Variants in BCAS3 observed in about 807,000 individuals in gnomAD.
BCAS3 encodes BCAS4/BCAS3 fusion.
In BCAS3, 53 loss-of-function variants were observed where a neutral mutation model predicts 116.1. The ratio of observed to expected loss-of-function variants is 0.46; its 90% CI spans 0.37 to 0.57. The LOEUF (loss-of-function observed/expected upper bound fraction) is 0.57, where lower values mean the gene tolerates loss of function less well. Among genes scored for constraint, BCAS3 ranks in the 20% least tolerant of loss-of-function variants. BCAS3 has a pLI of 0.00. For synonymous variants in BCAS3, 391 were observed against 408.2 expected, an observed-to-expected ratio of 0.96 and a Z score of 0.51; for missense variants, 917 against 1,165.4, an observed-to-expected ratio of 0.79 and a Z score of 3.10.
chr17:61,386,241 C>G (rs1284974878), intron 23 of BCAS3, among the ~76,000 whole-genome samples: 1 of 152,200 alleles, frequency 6.6e-6, no homozygotes, highest in African/African-American at 2.4e-5. Flanking sequence ...GGGGTGTGCT[C>G]TTAACCACTT....
At chr17:61,053,498 G>A (rs2069079031) in intron 19 of BCAS3, among the ~76,000 whole-genome samples, 1 of 152,162 alleles carries the variant, frequency 6.6e-6, no homozygotes, top group African/African-American at 2.4e-5. Context: ...TTTCTACCGT[G>A]GATATTGTCA....
chr17:60,800,138 T>C (rs184998271), intron 6 of BCAS3, among the ~76,000 whole-genome samples: 111 of 152,366 alleles, frequency 7.3e-4, no homozygotes, highest in African/African-American at 2.5e-3. Flanking sequence ...AATTTTTGTT[T>C]GGACAAAAGT....
chr17:60,841,915 T>C (rs1754814619), intron 7 of BCAS3, among the ~76,000 whole-genome samples: 1 of 152,116 alleles, frequency 6.6e-6, no homozygotes, highest in South Asian at 2.1e-4. Context: ...TGATGGTGTT[T>C]GGGGAGACTG....
intron 5 of BCAS3, chr17:60,709,669 G>A (rs931093852): frequency 6.8e-5 from 18 of 263,560 alleles, no homozygotes; most frequent in Non-Finnish European, 6.6e-5. Context: ...GATTACAGGC[G>A]TGAGCCACTG....
intron 6 of BCAS3, among the ~76,000 whole-genome samples, chr17:60,772,859 T>G (rs867140477): frequency 9.2e-5 from 14 of 151,836 alleles, no homozygotes; most frequent in Middle Eastern, 3.4e-3. Context: ...GGCAACAGAG[T>G]GAGACTCAGT....
rs889961842 is a variant in BCAS3 at position 60,702,800 on chromosome 17, A to C, written c.215-6419A>C. On this transcript the variant is annotated intron_variant, in intron 4 of 23. Coordinates refer to ENST00000407086, the MANE Select transcript of BCAS3 (RefSeq NM_017679.5). Reference sequence around the variant, plus strand: ...GAGATGGGGTTTTGCCATGTTGCCCAGGCTGGTCTCAAACTCCTGAGCTCA... The same window carrying C: ...GAGATGGGGTTTTGCCATGTTGCCCCGGCTGGTCTCAAACTCCTGAGCTCA... Among the ~76,000 whole-genome samples the C allele has an allele frequency of 2.2e-3, 339 of 151,956 alleles. 2 individuals carry two copies. Among genetic ancestry groups the C allele is most frequent in the Non-Finnish European group, 3.3e-3 (227 of 67,952 alleles).
chr17:61,283,456 ATT>A (rs771915805), intron 22 of BCAS3, among the ~76,000 whole-genome samples: 10,316 of 142,258 alleles, frequency 0.073, 511 homozygotes, highest in African/African-American at 0.16. Flanking sequence ...AAGTAAATTG[ATT>A]TTTTTTTTTT....
chr17:61,101,044 A>G (rs1470907473), intron 22 of BCAS3, among the ~76,000 whole-genome samples: 1 of 152,174 alleles, frequency 6.6e-6, no homozygotes, highest in African/African-American at 2.4e-5. Context: ...TCATCAGGGC[A>G]TGTATGTGAC....
chr17:61,140,151 C>T lies in BCAS3; in HGVS notation c.2425+55587C>T, dbSNP rs907638109. Among the ~76,000 whole-genome samples the T allele has an allele frequency of 1.8e-4, 27 of 152,228 alleles. No homozygotes were observed. The highest frequency in any genetic ancestry group is 6.5e-4 in the African/African-American group (27 of 41,548). ...ACTCAGGAGGCTGAGGCAGGAGAAT[C>T]ACTGGAACCCAGAAGGCGGAGGTTG... On this transcript the variant is annotated intron_variant, in intron 22 of 23. Coordinates refer to ENST00000407086, the MANE Select transcript of BCAS3 (RefSeq NM_017679.5). This position sits in a 1 kb window ranked among gnomAD's most constrained non-coding sequence, Gnocchi z 4.2.
Position 61,376,421 on chromosome 17 carries a change from C to G in BCAS3, c.2593+7927C>G, listed in dbSNP as rs1354484683. The stretch of plus-strand genomic sequence containing the variant: ...TGCTTTGATCTTTCCAGAGAATCTT[C>G]TCTCCTCTTCCTACAGCCACTCTAT... On this transcript the variant is annotated intron_variant, in intron 23 of 23. Coordinates refer to ENST00000407086, the MANE Select transcript of BCAS3 (RefSeq NM_017679.5). This position sits in a 1 kb window ranked among gnomAD's most constrained non-coding sequence, Gnocchi z 4.5. Among the ~76,000 whole-genome samples, 1 of 152,198 alleles carries G rather than the reference C, an allele frequency of 6.6e-6. No individual in the cohort carries two copies. Among genetic ancestry groups the G allele is most frequent in the Non-Finnish European group, 1.5e-5 (1 of 68,028 alleles).
chr17:61,292,121 G>A (rs577338830), intron 22 of BCAS3, among the ~76,000 whole-genome samples: 28 of 152,166 alleles, frequency 1.8e-4, no homozygotes, highest in East Asian at 1.4e-3. Context: ...CACATGTAAC[G>A]TGGAGCAGCT....
At chr17:61,146,617 A>G (rs1260859321) in intron 22 of BCAS3, among the ~76,000 whole-genome samples, 2 of 152,166 alleles carry the variant, frequency 1.3e-5, no homozygotes, top group Non-Finnish European at 2.9e-5. Context: ...AAAATGATAG[A>G]ATCTTGAGCT....
At chr17:60,688,644 G>A (rs1226823445) in intron 3 of BCAS3, among the ~76,000 whole-genome samples, 2 of 151,932 alleles carry the variant, frequency 1.3e-5, no homozygotes. Context: ...GTGAAACCCC[G>A]TCTCCACCAA....
chr17:60,930,829 C>G (rs1373248584), intron 13 of BCAS3, among the ~76,000 whole-genome samples: 1 of 151,916 alleles, frequency 6.6e-6, no homozygotes, highest in Non-Finnish European at 1.5e-5. Flanking sequence ...ACAACAAAAT[C>G]CAAGAACAAA....
chr17:60,746,388 C>T (rs942967557), intron 5 of BCAS3, among the ~76,000 whole-genome samples: 29 of 152,088 alleles, frequency 1.9e-4, no homozygotes, highest in African/African-American at 6.5e-4. Flanking sequence ...TGTTTTCACA[C>T]TCAACACATA....
At chr17:60,766,485 C>T (rs1000613083) in intron 6 of BCAS3, among the ~76,000 whole-genome samples, 2 of 152,184 alleles carry the variant, frequency 1.3e-5, no homozygotes, top group African/African-American at 2.4e-5. Context: ...GCTGGAGGTC[C>T]ACTCCAGACC....
At chr17:60,792,155 T>C (rs2046826845) in intron 6 of BCAS3, among the ~76,000 whole-genome samples, 1 of 151,950 alleles carries the variant, frequency 6.6e-6, no homozygotes, top group Admixed American at 6.6e-5. Flanking sequence ...AAAATCCCCG[T>C]TGTGGCAATG....
Position 61,337,786 on chromosome 17 carries a change from C to T in BCAS3, c.2426-30541C>T, listed in dbSNP as rs2056839716. Reference sequence around the variant, plus strand: ...TTGGCTGAAACCTTTCAGCATTTCACAAGGTGTTAGAGACAGAGAAAGCCT... The same window carrying T: ...TTGGCTGAAACCTTTCAGCATTTCATAAGGTGTTAGAGACAGAGAAAGCCT... On this transcript the variant is annotated intron_variant, in intron 22 of 23. Coordinates refer to ENST00000407086, the MANE Select transcript of BCAS3 (RefSeq NM_017679.5). This position sits in a 1 kb window ranked among gnomAD's most constrained non-coding sequence, Gnocchi z 4.8. Among the ~76,000 whole-genome samples, 1 of 152,122 alleles carries T rather than the reference C, an allele frequency of 6.6e-6. No individual in the cohort carries two copies. The highest frequency in any genetic ancestry group is 1.5e-5 in the Non-Finnish European group (1 of 68,034).
rs1215518904 is a variant in BCAS3, at chr17:61,015,805, A to G, written c.1541A>G (p.Asn514Ser). 13 of 1,613,778 alleles carry G rather than the reference A, an allele frequency of 8.1e-6. No individual in the cohort carries two copies. Among genetic ancestry groups the G allele is most frequent in the Middle Eastern group, 1.6e-4 (1 of 6,082 alleles). ...YNNFTNNNPG[N>S]PRLSPLPSLM... ...AATTTTACCAACAACAACCCTGGCA[A>G]CCCTCGGCTCTCTCCTCTTCCCAGC... Residue 514 changes from asparagine to serine, a missense_variant, in exon 16 of 24, where the codon AAC (asparagine) becomes AGC (serine). Transcript: ENST00000407086.
Sources: gnomAD v4.1 joint callset for allele counts (sites outside exome capture counted in the v4.1 genomes callset) on GRCh38, gnomAD v4.1.1 for gene constraint, Gnocchi (gnomAD v3.1) non-coding constraint, MANE v1.5 for transcripts, NCBI Gene and HGNC (gene_info 2026-07-23, HGNC 2026-07-21) for gene names.